PGM1: variants seen among roughly 807,000 people sequenced by gnomAD.
PGM1 encodes phosphoglucomutase-1.
PGM1 carries 52 observed loss-of-function variants against 55.6 expected under a neutral mutation model. The observed-to-expected ratio is 0.94, with a 90% CI of 0.75 to 1.18. The LOEUF (loss-of-function observed/expected upper bound fraction) is 1.18, where lower values mean the gene tolerates loss of function less well. PGM1 is among the 50% of genes most tolerant of loss of function. The pLI, the probability that PGM1 is intolerant of heterozygous loss-of-function variation, is 0.00. For synonymous variants in PGM1, 287 were observed against 271.7 expected (o/e 1.06, Z -0.55); for missense variants, 724 against 729.3 (o/e 0.99, Z 0.08).
Position 63,648,508 on chromosome 1 carries a change from C to G in PGM1, c.1145-9C>G. 1 of 1,614,040 alleles carries G rather than the reference C, an allele frequency of 6.2e-7. No homozygotes were observed. The highest frequency in any genetic ancestry group is 8.5e-7 in the Non-Finnish European group (1 of 1,179,972). ...CGTTTCTTACAGCAGCTTGCTGTCC[C>G]CCCTCCAGGTTCTGACCACATCCGT... On this transcript the variant is annotated splice_polypyrimidine_tract_variant and intron_variant, in intron 7 of 10. Transcript: ENST00000371084.
intron 1 of PGM1, among the ~76,000 whole-genome samples, chr1:63,602,002 G>A (rs911037747): frequency 1.3e-5 from 2 of 152,178 alleles, no homozygotes; most frequent in African/African-American, 4.8e-5. Flanking sequence ...GTACCCCAAA[G>A]TGTTTTTGAA....
Position 63,648,637 on chromosome 1 carries a change from G to A in PGM1, c.1265G>A (p.Arg422Gln), listed in dbSNP as rs527959572. The A allele has an allele frequency of 8.7e-6, 14 of 1,613,868 alleles. No individual in the cohort carries two copies. Among genetic ancestry groups the A allele is most frequent in the Non-Finnish European group, 1.1e-5 (13 of 1,179,994 alleles). Residue 422 changes from arginine to glutamine, a missense_variant, in exon 8 of 11, where the codon CGG becomes CAG. Physicochemically the swap from Arg to Gln is conservative, Grantham distance 43. Around this residue, in one of 3 missense-constraint regions of PGM1, gnomAD observed 316 missense variants for 313.1 expected, o/e 1.01. Transcript: ENST00000371084. ...ILKDHWQKYGRNFFTRYDYEE... is the reference protein window; with the variant it reads ...ILKDHWQKYGQNFFTRYDYEE... ...AAAGATCATTGGCAAAAGTATGGCCGGAATTTCTTCACCAGGTGAGCCACA... is the reference window on the plus strand; with the variant it reads ...AAAGATCATTGGCAAAAGTATGGCCAGAATTTCTTCACCAGGTGAGCCACA...
At chr1:63,599,540 C>A (rs1648176002) in intron 1 of PGM1, among the ~76,000 whole-genome samples, 1 of 150,510 alleles carries the variant, frequency 6.6e-6, no homozygotes, top group African/African-American at 2.4e-5. Flanking sequence ...TGGGGCCGGG[C>A]ATGGTGGCTT....
At chr1:63,638,418 A>G (rs1649418447) in intron 6 of PGM1, among the ~76,000 whole-genome samples, 1 of 152,226 alleles carries the variant, frequency 6.6e-6, no homozygotes, top group African/African-American at 2.4e-5. Context: ...GCAGCCCTGA[A>G]CATTTTACTA....
rs559019934 is a variant in PGM1 at position 63,600,442 on chromosome 1, TTTATTGAGCACCTA to T, written c.246+6712_246+6725del. ...GAAAGAGTGACTCATTCAATAAATA[TTTATTGAGCACCTA>T]TTAGGTTCTCGGTACTACGGATACA... On this transcript the variant is annotated intron_variant, in intron 1 of 10. Coordinates refer to ENST00000371084, the MANE Select transcript of PGM1 (RefSeq NM_002633.3). 3.0e-4 allele frequency among the ~76,000 whole-genome samples: 46 copies of T among 152,248 alleles called. No homozygotes were observed. In the South Asian group the frequency reaches 9.3e-3, roughly 31 times the overall value.
intron 9 of PGM1, among the ~76,000 whole-genome samples, chr1:63,654,105 C>A (rs1649891871): frequency 6.6e-6 from 1 of 152,190 alleles, no homozygotes; most frequent in Admixed American, 6.5e-5. Flanking sequence ...CAGGTCTCCC[C>A]TGACCCTGGA....
chr1:63,629,849 T>A, intron 2 of PGM1, 93 bp from the exon 3 acceptor site: 1 of 1,371,538 alleles, frequency 7.3e-7, no homozygotes, highest in South Asian at 1.2e-5. Flanking sequence ...AAATGGTAGA[T>A]GTGCTAGTGA....
chr1:63,650,110 G>C (rs546091901), intron 8 of PGM1, among the ~76,000 whole-genome samples: 1 of 152,112 alleles, frequency 6.6e-6, no homozygotes, highest in East Asian at 1.9e-4. Context: ...TGCTAACCAA[G>C]TATTACAAAT....
At chr1:63,611,170 G>GT (rs1416279533) in intron 1 of PGM1, among the ~76,000 whole-genome samples, 1 of 152,168 alleles carries the variant, frequency 6.6e-6, no homozygotes, top group East Asian at 1.9e-4. Context: ...TCGTTAGGGT[G>GT]TATTGGGGGC....
intron 7 of PGM1, among the ~76,000 whole-genome samples, chr1:63,645,639 A>G (rs112762797): frequency 1.3e-5 from 2 of 152,258 alleles, no homozygotes; most frequent in African/African-American, 4.8e-5. Context: ...TTTTTAAAAT[A>G]TGTTATATAA....
intron 7 of PGM1, among the ~76,000 whole-genome samples, chr1:63,643,701 G>A (rs984559121): frequency 1.3e-5 from 2 of 152,234 alleles, no homozygotes; most frequent in African/African-American, 4.8e-5. Flanking sequence ...TGGGCAGACT[G>A]TCTTAACAAC....
chr1:63,593,592 A>G lies in PGM1; in HGVS notation c.104A>G (p.Tyr35Cys). ...AAGGTGTTCCAGAGCAGCGCCAACT[A>G]CGCGGAGAACTTCATCCAGAGTATC... ...RVKVFQSSAN[Y>C]AENFIQSIIS... The change falls in exon 1 of 11, where the codon TAC (tyrosine) becomes TGC (cysteine). Residue 35 changes from tyrosine (Y) to cysteine (C), a missense_variant. By Grantham distance (194) the Tyr-to-Cys change is radical (BLOSUM62 -2). Coordinates refer to ENST00000371084, the MANE Select transcript of PGM1 (RefSeq NM_002633.3). 6.2e-7 allele frequency: 1 copy of G among 1,613,646 alleles called. No homozygotes were observed. The highest frequency in any genetic ancestry group is 8.5e-7 in the Non-Finnish European group (1 of 1,179,894).
intron 1 of PGM1, among the ~76,000 whole-genome samples, chr1:63,599,659 G>A (rs115287205): frequency 0.011 from 1,668 of 152,158 alleles, 42 homozygotes; most frequent in African/African-American, 0.038. Flanking sequence ...GTGTGGTTTC[G>A]GGCGCCTGTG....
At chr1:63,636,461 G>A (rs917114010) in intron 6 of PGM1, 73 bp downstream of exon 6, 63 of 1,417,432 alleles carry the variant, frequency 4.4e-5, no homozygotes, top group Non-Finnish European at 6.0e-5. Flanking sequence ...CACTGTGCCT[G>A]GAACACGTGT....
chr1:63,609,987 C>T (rs1159182737), intron 1 of PGM1, among the ~76,000 whole-genome samples: 1 of 152,176 alleles, frequency 6.6e-6, no homozygotes, highest in Non-Finnish European at 1.5e-5. Context: ...CCTAATTTTA[C>T]CACATAACCT....
chr1:63,659,685 C>T lies in PGM1; in HGVS notation c.*10C>T, dbSNP rs1389430408. 5 of 1,597,288 alleles carry T rather than the reference C, an allele frequency of 3.1e-6. No individual in the cohort carries two copies. The highest frequency in any genetic ancestry group is 2.2e-5 in the East Asian group (1 of 44,776). On this transcript the variant is annotated 3_prime_UTR_variant, in exon 11 of 11. Transcript: ENST00000371084. ...CACTGTCATCACCTAAGAAGACAGG[C>T]CTGATGTGGTACGTCCCTCCACCCC...
At chr1:63,654,596 A>G (rs182933185) in intron 10 of PGM1, 130 bp downstream of exon 10, 10 of 837,246 alleles carry the variant, frequency 1.2e-5, no homozygotes, top group African/African-American at 1.0e-4. Flanking sequence ...ACTTTCTTCC[A>G]TGTTTCTTTC....
At position 63,629,689 on chromosome 1, in the gene PGM1, A is replaced by AG. The variant is rs903008342; in HGVS notation, c.409+107dup. Reference sequence around the variant, plus strand: ...CAGGGTTTTGGTTCTGATCCTTTGCAGGGGGTAGGGAGGTGCTCTTTGCTT... The same window carrying AG: ...CAGGGTTTTGGTTCTGATCCTTTGCAGGGGGGTAGGGAGGTGCTCTTTGCTT... On this transcript the variant is annotated intron_variant, in intron 2 of 10. Coordinates refer to ENST00000371084, the MANE Select transcript of PGM1 (RefSeq NM_002633.3). The AG allele has an allele frequency of 6.4e-5, 77 of 1,199,770 alleles. No homozygotes were observed. The African/African-American group carries it at 7.9e-4, about 12-fold the overall frequency. 74.3% of individuals were successfully genotyped at this position (1,199,770 alleles called of 1,614,324 possible).
At chr1:63,641,394 G>A (rs1028611520) in intron 7 of PGM1, among the ~76,000 whole-genome samples, 1 of 152,160 alleles carries the variant, frequency 6.6e-6, no homozygotes, top group Admixed American at 6.5e-5. Context: ...GTGCAGCTGG[G>A]CTTATTTAAC....
Sources: allele counts gnomAD v4.1 joint callset (sites outside exome capture counted in the v4.1 genomes callset), GRCh38; gene constraint gnomAD v4.1.1; regional missense constraint gnomAD v4.1.1; transcripts MANE v1.5; gene names NCBI Gene and HGNC (gene_info 2026-07-23, HGNC 2026-07-21).